Variants in ERG observed in about 807,000 individuals in gnomAD.
The protein encoded by ERG is transcriptional regulator ERG.
ERG carries 9 observed loss-of-function variants against 55.3 expected under a neutral mutation model. That is an observed-to-expected ratio of 0.16 (90% CI 0.10 to 0.28). The LOEUF is 0.28. ERG is among the 10% of genes least tolerant of loss of function. The probability of loss-of-function intolerance (pLI) is 1.00; values close to 1 mark genes in which losing one functional copy is unlikely to be tolerated. For missense variants in ERG, 434 were observed against 631.6 expected (o/e 0.69, Z 3.35); for synonymous variants, 223 against 237.3 (o/e 0.94, Z 0.55).
At position 38,380,890 on chromosome 21, in the gene ERG, C is replaced by T; in HGVS notation, c.*2513G>A. 9.4e-7 allele frequency: 1 copy of T among 1,065,142 alleles called. No individual in the cohort carries two copies. The allele number at this position is 1,065,142 out of a possible 1,614,324, so 66.0% of individuals were successfully genotyped here. ...TGATTATCCAAGTAAATGTGTATTT[C>T]TATGAAGAATGTAGGTGTGTCTTGA... On this transcript the variant is annotated 3_prime_UTR_variant, in exon 10 of 10. Coordinates refer to ENST00000288319, the MANE Select transcript of ERG (RefSeq NM_182918.4).
intron 6 of ERG, among the ~76,000 whole-genome samples, chr21:38,396,580 C>G (rs1988230702): frequency 1.3e-5 from 2 of 152,160 alleles, no homozygotes; most frequent in Non-Finnish European, 2.9e-5. Flanking sequence ...TGATAACACC[C>G]CAGAGGCATA....
chr21:38,530,946 G>A lies in ERG; in HGVS notation c.-41+44716C>T, dbSNP rs192339388. On this transcript the variant is annotated intron_variant, in intron 2 of 8. Coordinates refer to the ERG transcript ENST00000398897. ...ATAAAGTTCTACATGGGAAGCTGCT[G>A]AACTACAGTCAGGCCAAACCTTCAT... Among the ~76,000 whole-genome samples the A allele has an allele frequency of 7.4e-4, 112 of 152,302 alleles. 1 individual carries two copies. Among genetic ancestry groups the A allele is most frequent in the African/African-American group, 2.6e-3 (109 of 41,568 alleles).
intron 1 of ERG, among the ~76,000 whole-genome samples, chr21:38,614,791 G>A (rs754280760): frequency 5.3e-5 from 8 of 152,242 alleles, no homozygotes; most frequent in Non-Finnish European, 1.0e-4. Context: ...AGCATGGTCA[G>A]CGTGGCCTCA....
At chr21:38,404,928 C>T (rs952800071) in intron 3 of ERG, among the ~76,000 whole-genome samples, 2 of 152,206 alleles carry the variant, frequency 1.3e-5, no homozygotes, top group Middle Eastern at 3.4e-3. Flanking sequence ...AGAGGTAAAC[C>T]GTAATAATAG....
At chr21:38,564,020 A>G (rs1188823329) in intron 2 of ERG, among the ~76,000 whole-genome samples, 1 of 152,106 alleles carries the variant, frequency 6.6e-6, no homozygotes, top group Non-Finnish European at 1.5e-5. Flanking sequence ...CCCCTTTCCA[A>G]TTACTGTGTC....
intron 2 of ERG, among the ~76,000 whole-genome samples, chr21:38,565,846 G>A (rs1426119073): frequency 1.3e-5 from 2 of 152,170 alleles, no homozygotes. Context: ...TCATGCAGGC[G>A]GGGACATCAT....
intron 3 of ERG, among the ~76,000 whole-genome samples, chr21:38,420,865 T>C (rs60775957): frequency 0.016 from 2,450 of 152,298 alleles, 41 homozygotes; most frequent in African/African-American, 0.045. Context: ...CCCCCTCAGA[T>C]GGATTCTCTC....
intron 3 of ERG, among the ~76,000 whole-genome samples, chr21:38,406,559 T>A (rs941659252): frequency 3.9e-5 from 6 of 152,176 alleles, no homozygotes; most frequent in Admixed American, 3.9e-4. Context: ...AGACCCCCCA[T>A]CCTACCCAAG....
chr21:38,605,644 G>A (rs2060192047), intron 1 of ERG, among the ~76,000 whole-genome samples: 1 of 152,208 alleles, frequency 6.6e-6, no homozygotes, highest in Non-Finnish European at 1.5e-5. Flanking sequence ...TGCGGGTGGG[G>A]TTCCAAGGCC....
intron 1 of ERG, among the ~76,000 whole-genome samples, chr21:38,652,887 CCTT>C (rs1293366384): frequency 1.3e-5 from 2 of 152,196 alleles, no homozygotes; most frequent in Non-Finnish European, 2.9e-5. Context: ...GAACTCATCT[CCTT>C]CGAGATTTCA....
intron 1 of ERG, among the ~76,000 whole-genome samples, chr21:38,495,649 A>G (rs554959192): frequency 2.0e-5 from 3 of 152,202 alleles, no homozygotes; most frequent in African/African-American, 7.2e-5. Flanking sequence ...TTGTAATTCT[A>G]TGTATTTCTT....
intron 6 of ERG, among the ~76,000 whole-genome samples, chr21:38,398,523 C>A (rs779392665): frequency 6.6e-6 from 1 of 152,186 alleles, no homozygotes; most frequent in Non-Finnish European, 1.5e-5. Flanking sequence ...AGTGTGCTCT[C>A]TCCCAGGTCA....
intron 2 of ERG, among the ~76,000 whole-genome samples, chr21:38,540,991 G>T (rs2059747879): frequency 2.0e-5 from 3 of 150,186 alleles, no homozygotes; most frequent in African/African-American, 7.4e-5. Context: ...GCGCTTGGGT[G>T]GCTGGGGAGG....
chr21:38,657,749 C>A (rs1188003183), intron 1 of ERG, among the ~76,000 whole-genome samples: 1 of 152,158 alleles, frequency 6.6e-6, no homozygotes, highest in Non-Finnish European at 1.5e-5. Context: ...GAGGTCCGTA[C>A]ACTGACAATG....
At chr21:38,501,211 G>T (rs1292645561), upstream of ERG, among the ~76,000 whole-genome samples, 2 of 151,478 alleles carry the variant, frequency 1.3e-5, no homozygotes, top group African/African-American at 4.9e-5. Context: ...GACTGCAGGC[G>T]CCCGCCACCA....
intron 1 of ERG, among the ~76,000 whole-genome samples, chr21:38,459,265 C>T (rs2059018672): frequency 6.6e-6 from 1 of 152,256 alleles, no homozygotes; most frequent in African/African-American, 2.4e-5. Context: ...TTCCCAAGGC[C>T]ACATAAGTGT....
At chr21:38,543,112 G>C (rs2059764705) in intron 2 of ERG, among the ~76,000 whole-genome samples, 1 of 152,088 alleles carries the variant, frequency 6.6e-6, no homozygotes, top group Non-Finnish European at 1.5e-5. Context: ...CAGTAGTGTG[G>C]ATTCTGCTCT....
At chr21:38,477,317 A>G (rs984750952) in intron 1 of ERG, among the ~76,000 whole-genome samples, 3 of 152,154 alleles carry the variant, frequency 2.0e-5, no homozygotes, top group African/African-American at 7.2e-5. Flanking sequence ...TTTTTTCAAC[A>G]GTAGAAATAT....
At chr21:38,613,825 C>T (rs1033101804) in intron 1 of ERG, among the ~76,000 whole-genome samples, 1 of 152,060 alleles carries the variant, frequency 6.6e-6, no homozygotes, top group African/African-American at 2.4e-5. Context: ...TAGAAGGGGA[C>T]CCCCCCAATA....
Sources: gnomAD v4.1 joint callset for allele counts (sites outside exome capture counted in the v4.1 genomes callset) on GRCh38, gnomAD v4.1.1 for gene constraint, MANE v1.5 for transcripts, NCBI Gene and HGNC (gene_info 2026-07-23, HGNC 2026-07-21) for gene names.